Variants in TSPAN6 observed in about 807,000 individuals in gnomAD.
The protein encoded by TSPAN6 is tetraspanin 6.
A neutral mutation model predicts 18.0 loss-of-function variants in TSPAN6; 13 were observed. That is an observed-to-expected ratio of 0.72 (90% CI 0.47 to 1.15). The LOEUF is 1.15. TSPAN6 is among the 50% of genes most tolerant of loss of function. The probability of loss-of-function intolerance (pLI) is 0.00; values close to 1 mark genes in which losing one functional copy is unlikely to be tolerated. For synonymous variants in TSPAN6, 82 were observed against 67.0 expected (o/e 1.22, Z -1.09); for missense variants, 186 against 183.9 (o/e 1.01, Z -0.07).
chrX:100,631,820 C>T (rs1220915670), intron 6 of TSPAN6, among the ~76,000 whole-genome samples: 1 of 111,595 alleles, frequency 9.0e-6, no homozygotes, highest in Admixed American at 9.6e-5. Flanking sequence ...CAGTTAACTG[C>T]TTTCAAAAGA....
intron 2 of TSPAN6, 82 bp downstream of exon 2, chrX:100,635,476 G>T: frequency 2.2e-6 from 2 of 917,240 alleles, no homozygotes; most frequent in Admixed American, 3.6e-5. Context: ...AAAGGGCCAT[G>T]GCCAGTTCCA....
In TSPAN6 at chrX:100,628,141, A is replaced by G. The variant is rs2083036732; in HGVS notation, c.*1885T>C. On this transcript the variant is annotated 3_prime_UTR_variant, in exon 8 of 8. Transcript: ENST00000373020. The stretch of plus-strand genomic sequence containing the variant: ...GAAAACTTTTTTAAAAACTCTAAAT[A>G]TAACCTTAAAACATTCTTCAAAACC... 8.9e-6 allele frequency: 1 copy of G among 111,974 alleles called. No individual in the cohort carries two copies. Among genetic ancestry groups the G allele is most frequent in the Non-Finnish European group, 1.9e-5 (1 of 53,236 alleles). 9.2% of individuals were successfully genotyped at this position (111,974 alleles called of 1,213,427 possible).
rs770883938 is a variant in TSPAN6 at position 100,636,712 on chromosome X, G to A, written c.-18C>T. 27 of 1,184,256 alleles carry A rather than the reference G, an allele frequency of 2.3e-5. No individual in the cohort carries two copies. Among genetic ancestry groups the A allele is most frequent in the Middle Eastern group, 4.7e-4 (2 of 4,233 alleles). The stretch of plus-strand genomic sequence containing the variant: ...GACGCCATGACTAGCCCGAGACCCT[G>A]CACCACCGCACCGGGCGATTGGAAC... On this transcript the variant is annotated 5_prime_UTR_variant, in exon 1 of 8. Coordinates refer to ENST00000373020, the MANE Select transcript of TSPAN6 (RefSeq NM_003270.4).
Position 100,629,991 on chromosome X carries a change from A to G in TSPAN6, c.*40-5T>C. ...ACAGGGGGGACCCTAAATGTCCTAA[A>G]ATTAAAGAAAAAAAGTTAATGTACT... is the stretch of plus-strand genomic sequence containing the variant. On this transcript the variant is annotated splice_polypyrimidine_tract_variant and splice_region_variant and intron_variant, in intron 7 of 7. Coordinates refer to ENST00000373020, the MANE Select transcript of TSPAN6 (RefSeq NM_003270.4). 3 of 751,875 alleles carry G rather than the reference A, an allele frequency of 4.0e-6. No homozygotes were observed. Among genetic ancestry groups the G allele is most frequent in the Non-Finnish European group, 3.1e-6 (2 of 637,242 alleles). The allele number at this position is 751,875 out of a possible 1,213,427, so 62.0% of individuals were successfully genotyped here. A position where few individuals can be genotyped will look rare whatever the true frequency, so the allele number is the denominator to read the frequency against.
At chrX:100,636,158 A>G (rs139904081) in intron 1 of TSPAN6, 9,801 of 789,552 alleles carry the variant, frequency 0.012, 58 homozygotes, top group South Asian at 0.02. Context: ...GCCCAAGGAT[A>G]GACTGGCGGG....
intron 5 of TSPAN6, 64 bp downstream of exon 5, chrX:100,633,341 T>A (rs937323113): frequency 1.1e-5 from 12 of 1,113,633 alleles, no homozygotes; most frequent in African/African-American, 9.3e-5. Context: ...AAAAACTGGG[T>A]CAATTTTGCA....
chrX:100,633,516 A>G lies in TSPAN6; in HGVS notation c.474T>C (p.Asp158=), dbSNP rs758128776. ...QNTLHCCGVT[D]YRDWTDTNYY... ...AATTAGTATCTGTCCAATCTCTATA[A>G]TCGGTGACACCACAACAATGCAACT... is the stretch of plus-strand genomic sequence containing the variant. Residue 158 remains aspartate (D), a synonymous_variant, in exon 5 of 8, where the codon GAT becomes GAC. Transcript: ENST00000373020. 2.5e-6 allele frequency: 3 copies of G among 1,202,579 alleles called. No individual in the cohort carries two copies. Among genetic ancestry groups the G allele is most frequent in the Non-Finnish European group, 3.4e-6 (3 of 892,164 alleles).
At chrX:100,630,644 T>C (rs993433904) in intron 7 of TSPAN6, 115 bp downstream of exon 7, 6 of 522,653 alleles carry the variant, frequency 1.1e-5, no homozygotes, top group African/African-American at 2.4e-5. Flanking sequence ...TAGCACCAGC[T>C]AGATTTAAAT....
intron 6 of TSPAN6, among the ~76,000 whole-genome samples, chrX:100,631,452 A>G (rs1334864748): frequency 8.9e-6 from 1 of 112,444 alleles, no homozygotes; most frequent in Non-Finnish European, 1.9e-5. Context: ...AAATATATTA[A>G]GACGAAACTT....
intron 6 of TSPAN6, among the ~76,000 whole-genome samples, chrX:100,631,098 CACTCAA>C (rs2083056314): frequency 8.9e-6 from 1 of 112,030 alleles, no homozygotes; most frequent in South Asian, 3.7e-4. Context: ...CCAGCAAACT[CACTCAA>C]GGAAAATTCA....
In TSPAN6 at chrX:100,633,959, CTTCT is replaced by C; in HGVS notation, c.418_421del (p.Arg140AlafsTer4). 1 of 1,204,106 alleles carries C rather than the reference CTTCT, an allele frequency of 8.3e-7. No individual in the cohort carries two copies. Among genetic ancestry groups the C allele is most frequent in the Non-Finnish European group, 1.1e-6 (1 of 890,589 alleles). ...ATTTTGGATCTTGTCTACTGCATGG[CTTCT>C]ATAATCTCCTGTAGAGTTATACTGC... On this transcript the variant is annotated frameshift_variant, in exon 4 of 8. Coordinates refer to ENST00000373020, the MANE Select transcript of TSPAN6 (RefSeq NM_003270.4). LOFTEE classifies it high-confidence loss of function.
intron 4 of TSPAN6, 84 bp downstream of exon 4, chrX:100,633,847 G>T: frequency 2.9e-6 from 2 of 682,952 alleles, no homozygotes; most frequent in Non-Finnish European, 4.5e-6. Flanking sequence ...CCCTACAGGT[G>T]GATAACATCT....
intron 5 of TSPAN6, 144 bp from the exon 6 acceptor site, chrX:100,632,712 GATGT>G (rs978305887): frequency 6.8e-6 from 3 of 440,451 alleles, no homozygotes; most frequent in African/African-American, 5.0e-5. Context: ...TCTGCAGAAA[GATGT>G]ATGTATCATA....
chrX:100,635,079 G>A (rs1184578961), intron 3 of TSPAN6, 99 bp downstream of exon 3: 1 of 617,712 alleles, frequency 1.6e-6, no homozygotes, highest in Non-Finnish European at 2.5e-6. Context: ...GTCAGCTACA[G>A]GTTTAAATAC....
At chrX:100,630,609 C>G in intron 7 of TSPAN6, 150 bp downstream of exon 7, 1 of 435,971 alleles carries the variant, frequency 2.3e-6, no homozygotes, top group East Asian at 3.9e-5. Context: ...GTATAGAGAC[C>G]TAACCTGCCT....
In TSPAN6 at chrX:100,636,285, G is replaced by T. The variant is rs41304458; in HGVS notation, c.87+323C>A. On this transcript the variant is annotated intron_variant, in intron 1 of 7. Transcript: ENST00000373020. ...GGCCGGGCAAGCCTTGCTTGCCTTT[G>T]CAAAGGTCCAGGGTCACCGTCTGCG... The T allele has an allele frequency of 3.5e-4, 295 of 854,249 alleles. 3 individuals carry two copies. The Middle Eastern group carries it at 5.7e-3, about 16-fold the overall frequency. 70.4% of individuals were successfully genotyped at this position (854,249 alleles called of 1,213,427 possible). A position where few individuals can be genotyped will look rare whatever the true frequency, so the allele number is the denominator to read the frequency against.
intron 6 of TSPAN6, 66 bp from the exon 7 acceptor site, chrX:100,630,932 TCTC>T: frequency 2.4e-6 from 2 of 827,681 alleles, no homozygotes; most frequent in Non-Finnish European, 3.6e-6. Context: ...CAGACTATAT[TCTC>T]CTCTCACTTG....
At position 100,629,655 on chromosome X, in the gene TSPAN6, C is replaced by A. The variant is rs1486418831; in HGVS notation, c.*371G>T. 1 of 111,748 alleles carries A rather than the reference C, an allele frequency of 8.9e-6. No individual in the cohort carries two copies. The highest frequency in any genetic ancestry group is 3.3e-5 in the African/African-American group (1 of 30,687). The allele number at this position is 111,748 out of a possible 1,213,427, so 9.2% of individuals were successfully genotyped here. A position where few individuals can be genotyped will look rare whatever the true frequency, so the allele number is the denominator to read the frequency against. ...AATTCACAGTGCCTTCCAAAGGCCC[C>A]CTACTAAGAAAAATAACAGTCAAGA... On this transcript the variant is annotated 3_prime_UTR_variant, in exon 8 of 8. Transcript: ENST00000373020.
chrX:100,628,058 C>T lies in TSPAN6; in HGVS notation c.*1968G>A, dbSNP rs1443913024. 1.8e-5 allele frequency: 2 copies of T among 111,141 alleles called. No individual in the cohort carries two copies. Among genetic ancestry groups the T allele is most frequent in the Admixed American group, 9.6e-5 (1 of 10,434 alleles). 9.2% of individuals were successfully genotyped at this position (111,141 alleles called of 1,213,427 possible). ...AACTCCTGACCTCAGGTGATCCGCC[C>T]GCCTCAGCCTCTCAAAGTGCTGGGA... On this transcript the variant is annotated 3_prime_UTR_variant, in exon 8 of 8. Transcript: ENST00000373020.
Sources: gnomAD v4.1 joint callset for allele counts (sites outside exome capture counted in the v4.1 genomes callset) on GRCh38, gnomAD v4.1.1 for gene constraint, MANE v1.5 for transcripts, NCBI Gene and HGNC (gene_info 2026-07-23, HGNC 2026-07-21) for gene names.